Variants in PDE1C observed in about 807,000 individuals in gnomAD.
PDE1C encodes the protein phosphodiesterase 1C, also known as dual specificity calcium/calmodulin-dependent 3',5'-cyclic nucleotide phosphodiesterase 1C.
Under a neutral mutation model 93.1 loss-of-function variants are expected in PDE1C, and 62 were observed. The ratio of observed to expected loss-of-function variants is 0.67; its 90% CI spans 0.54 to 0.82. PDE1C has a LOEUF of 0.82. Among genes scored for constraint, PDE1C ranks in the 40% least tolerant of loss-of-function variants. PDE1C has a pLI of 0.00. For missense variants in PDE1C, 742 were observed against 884.6 expected, an observed-to-expected ratio of 0.84 and a Z score of 2.04; for synonymous variants, 325 against 310.1, an observed-to-expected ratio of 1.05 and a Z score of -0.50.
At chr7:31,654,148 G>A in the PDE1C span, among the ~76,000 whole-genome samples, 2 of 152,074 alleles carry the variant, frequency 1.3e-5, no homozygotes, top group African/African-American at 4.8e-5. Flanking sequence ...GAGATGTGGA[G>A]TAAAACTGTA....
chr7:31,896,446 T>C (rs113970314), intron 2 of PDE1C, among the ~76,000 whole-genome samples: 13 of 152,330 alleles, frequency 8.5e-5, no homozygotes, highest in African/African-American at 2.9e-4. Context: ...TAAGGATTTA[T>C]TCCCACCACT....
At chr7:31,975,267 G>A (rs1811507657) in intron 2 of PDE1C, among the ~76,000 whole-genome samples, 1 of 152,146 alleles carries the variant, frequency 6.6e-6, no homozygotes, top group Non-Finnish European at 1.5e-5. Context: ...ATGCTTTTCT[G>A]ACTTTCTGGG....
chr7:32,051,002 C>G (rs535677095), intron 2 of PDE1C, among the ~76,000 whole-genome samples: 11 of 152,296 alleles, frequency 7.2e-5, no homozygotes, highest in Non-Finnish European at 1.6e-4. Flanking sequence ...CCAAAGAGTG[C>G]AAAGCACAGC....
At chr7:31,952,924 T>C (rs1045224687) in intron 2 of PDE1C, among the ~76,000 whole-genome samples, 5 of 151,962 alleles carry the variant, frequency 3.3e-5, no homozygotes, top group African/African-American at 1.2e-4. Flanking sequence ...ATACACTACA[T>C]CTAGTATTGT....
chr7:31,808,796 G>A (rs529402644), intron 16 of PDE1C, among the ~76,000 whole-genome samples: 4 of 152,032 alleles, frequency 2.6e-5, no homozygotes, highest in Admixed American at 6.6e-5. Flanking sequence ...AGTAGGAAAA[G>A]AAAGGGTATA....
intron 2 of PDE1C, among the ~76,000 whole-genome samples, chr7:31,927,999 A>C (rs982234585): frequency 9.2e-5 from 14 of 152,126 alleles, no homozygotes; most frequent in African/African-American, 2.9e-4. Context: ...CACTGAGCTA[A>C]AGGAGCATGT....
intron 1 of PDE1C, among the ~76,000 whole-genome samples, chr7:32,288,361 A>G (rs545827093): frequency 6.6e-5 from 10 of 152,326 alleles, no homozygotes; most frequent in Non-Finnish European, 1.2e-4. Flanking sequence ...TGGGGGCAAT[A>G]GTTTGCATAA....
At chr7:31,647,478 A>G in the PDE1C span, among the ~76,000 whole-genome samples, 1 of 149,390 alleles carries the variant, frequency 6.7e-6, no homozygotes, top group Non-Finnish European at 1.5e-5. Flanking sequence ...CCTGGCCAAC[A>G]TGGCAAAACC....
At chr7:31,779,027 T>G (rs1474555210) in intron 16 of PDE1C, among the ~76,000 whole-genome samples, 1 of 152,164 alleles carries the variant, frequency 6.6e-6, no homozygotes, top group African/African-American at 2.4e-5. Flanking sequence ...AAGAAAAACC[T>G]GGGACAATTA....
the PDE1C span, among the ~76,000 whole-genome samples, chr7:31,636,888 C>T: frequency 2.6e-5 from 3 of 113,700 alleles, no homozygotes; most frequent in Non-Finnish European, 5.3e-5. Flanking sequence ...CTCCCCCCTC[C>T]CCCCACCCGA....
At chr7:32,237,395 TG>T (rs1162062508) in intron 1 of PDE1C, among the ~76,000 whole-genome samples, 1 of 152,090 alleles carries the variant, frequency 6.6e-6, no homozygotes. Context: ...AGAACAGATC[TG>T]TAGTTGCCAC....
the PDE1C span, among the ~76,000 whole-genome samples, chr7:31,689,164 A>AT: frequency 6.6e-6 from 1 of 152,180 alleles, no homozygotes; most frequent in Non-Finnish European, 1.5e-5. Flanking sequence ...CAATATTGCA[A>AT]TGACAGTGGC....
intron 13 of PDE1C, among the ~76,000 whole-genome samples, chr7:31,824,581 T>G (rs62455961): frequency 1.3e-3 from 201 of 152,230 alleles, no homozygotes; most frequent in Non-Finnish European, 2.4e-3. Flanking sequence ...GCAAGGATTG[T>G]CTGGGCACAG....
chr7:31,961,446 C>T (rs1367811961), intron 2 of PDE1C, among the ~76,000 whole-genome samples: 1 of 151,952 alleles, frequency 6.6e-6, no homozygotes, highest in Non-Finnish European at 1.5e-5. Context: ...ATGCATATTT[C>T]ATATTTATTT....
At chr7:32,374,850 T>C (rs1333831076) in intron 1 of PDE1C, among the ~76,000 whole-genome samples, 1 of 152,184 alleles carries the variant, frequency 6.6e-6, no homozygotes, top group Admixed American at 6.5e-5. Context: ...TTCAATTGTA[T>C]CCCAGCTCAT....
intron 1 of PDE1C, among the ~76,000 whole-genome samples, chr7:32,213,205 T>C (rs920541782): frequency 6.6e-6 from 1 of 152,162 alleles, no homozygotes; most frequent in African/African-American, 2.4e-5. Flanking sequence ...TTTAAACAAT[T>C]GTCAGCCCAC....
intron 3 of PDE1C, among the ~76,000 whole-genome samples, chr7:32,098,281 G>A (rs1171516675): frequency 6.9e-6 from 1 of 145,816 alleles, no homozygotes; most frequent in Non-Finnish European, 1.5e-5. Flanking sequence ...CCACAACCCT[G>A]AAGCGGGTAA....
chr7:31,993,270 T>C (rs1045461089), intron 2 of PDE1C, among the ~76,000 whole-genome samples: 1 of 152,322 alleles, frequency 6.6e-6, no homozygotes, highest in South Asian at 2.1e-4. Context: ...TTTAGCTCAA[T>C]AGATAATTGC....
At chr7:32,031,179 A>G (rs1404405827) in intron 2 of PDE1C, among the ~76,000 whole-genome samples, 2 of 152,178 alleles carry the variant, frequency 1.3e-5, no homozygotes, top group Admixed American at 1.3e-4. Flanking sequence ...TAGTCATAAC[A>G]TCCTACCAGT....
Sources: gnomAD v4.1 joint callset for allele counts (sites outside exome capture counted in the v4.1 genomes callset) on GRCh38, gnomAD v4.1.1 for gene constraint, MANE v1.5 for transcripts, NCBI Gene and HGNC (gene_info 2026-07-23, HGNC 2026-07-21) for gene names.